Variants in CCDC88B observed in about 807,000 individuals in gnomAD.
CCDC88B encodes the protein coiled-coil domain-containing protein 88B.
A neutral mutation model predicts 183.7 loss-of-function variants in CCDC88B; 138 were observed. That is an observed-to-expected ratio of 0.75 (90% CI 0.65 to 0.87). The LOEUF (loss-of-function observed/expected upper bound fraction) is 0.87. Among genes scored for constraint, CCDC88B ranks in the 40% least tolerant of loss-of-function variants. The pLI is 0.00. For synonymous variants in CCDC88B, 835 were observed against 867.5 expected, an observed-to-expected ratio of 0.96 and a Z score of 0.66; for missense variants, 1,822 against 1,965.6, an observed-to-expected ratio of 0.93 and a Z score of 1.38.
intron 17 of CCDC88B, 57 bp from the exon 18 acceptor site, chr11:64,351,419 T>C (rs1187741631): frequency 6.5e-7 from 1 of 1,548,292 alleles, no homozygotes; most frequent in Non-Finnish European, 8.7e-7. Context: ...GGGCCTGTGG[T>C]AGGCACTAGG....
In CCDC88B at chr11:64,353,117, G is replaced by T. The variant is rs781443346; in HGVS notation, c.3564G>T (p.Glu1188Asp). The change falls in exon 21 of 27, where the codon GAG (glutamate) becomes GAT (aspartate). Residue 1188 changes from glutamate to aspartate, a missense_variant. Transcript: ENST00000356786. Reference sequence around the variant, plus strand: ...GTGAGCTGCAGGGTGAACGCGGGGAGCTACGGGGCCGGCTGGCGCGGCTGG... The same window carrying T: ...GTGAGCTGCAGGGTGAACGCGGGGATCTACGGGGCCGGCTGGCGCGGCTGG... ...ERGELQGERG[E>D]LRGRLARLEL... 6.2e-7 allele frequency: 1 copy of T among 1,606,872 alleles called. No homozygotes were observed. Among genetic ancestry groups the T allele is most frequent in the South Asian group, 1.1e-5 (1 of 90,002 alleles).
In CCDC88B at chr11:64,344,204, CCA is replaced by C; in HGVS notation, c.1666_1667del (p.Gln556GlyfsTer39). On this transcript the variant is annotated frameshift_variant, in exon 14 of 27. Transcript: ENST00000356786. LOFTEE classifies it high-confidence loss of function. This position sits in a 1 kb window ranked among gnomAD's most constrained non-coding sequence, Gnocchi z 4.5. Reference sequence around the variant, plus strand: ...GTGTCCCCAGGCACCTGATTCAGACCCACAGGAGGCAGAGAGTCCCCTTCAGG... The same window carrying C: ...GTGTCCCCAGGCACCTGATTCAGACCCAGGAGGCAGAGAGTCCCCTTCAGG... ...AECPQAPDSD[P>X]QEAESPLQAA... is the part of the protein sequence containing the mutation. The C allele has an allele frequency of 1.2e-6, 2 of 1,611,636 alleles. No individual in the cohort carries two copies. The highest frequency in any genetic ancestry group is 1.7e-6 in the Non-Finnish European group (2 of 1,179,066).
rs2035922759 is a variant in CCDC88B, at chr11:64,342,620, G to A, written c.1002G>A (p.Glu334=). 6.5e-7 allele frequency: 1 copy of A among 1,529,460 alleles called. No homozygotes were observed. Among genetic ancestry groups the A allele is most frequent in the South Asian group, 1.2e-5 (1 of 83,676 alleles). The allele number at this position is 1,529,460 out of a possible 1,614,324, so 94.7% of individuals were successfully genotyped here. The change falls in exon 10 of 27, where the codon GAG becomes GAA. Residue 334 remains glutamate (E), a synonymous_variant. Coordinates refer to ENST00000356786, the MANE Select transcript of CCDC88B (RefSeq NM_032251.6). ...ERAGRLPRLQ[E]ELRRCRERLQ... ...CCGGCCGCCTGCCCCGCCTGCAGGA[G>A]GAGCTGAGGCGCTGCCGCGAGCGGC...
intron 14 of CCDC88B, among the ~76,000 whole-genome samples, chr11:64,348,238 A>G (rs2036192672): frequency 2.3e-5 from 3 of 132,724 alleles, no homozygotes; most frequent in Non-Finnish European, 3.2e-5. Flanking sequence ...AAGGACTGAG[A>G]GGGTGGGGGA....
rs1462066971 is a variant in CCDC88B at position 64,352,305 on chromosome 11, T to C, written c.3275T>C (p.Leu1092Pro). The C allele has an allele frequency of 6.4e-7, 1 of 1,559,970 alleles. No homozygotes were observed. The highest frequency in any genetic ancestry group is 1.9e-5 in the Admixed American group (1 of 51,856). ...AQLQRRQEAE[L>P]EGLLVRHRDL... is the part of the protein sequence containing the mutation. ...CTGCAGCGGCGGCAGGAGGCCGAGC[T>C]AGAGGGACTGCTGGTGCGGCACCGA... Residue 1092 changes from leucine (L) to proline (P), a missense_variant, in exon 19 of 27, where the codon CTA (leucine) becomes CCA (proline). Physicochemically the swap from Leu to Pro is moderately conservative, Grantham distance 98. Transcript: ENST00000356786.
rs751834471 is a variant in CCDC88B, at chr11:64,344,117, G to A, written c.1576G>A (p.Gly526Ser). 24 of 1,613,212 alleles carry A rather than the reference G, an allele frequency of 1.5e-5. No individual in the cohort carries two copies. The highest frequency in any genetic ancestry group is 1.9e-5 in the Non-Finnish European group (22 of 1,179,896). Residue 526 changes from glycine to serine, a missense_variant, in exon 14 of 27, where the codon GGC becomes AGC. Transcript: ENST00000356786. This position sits in a 1 kb window ranked among gnomAD's most constrained non-coding sequence, Gnocchi z 4.5. ...CTTGGTTCAGAAGGCAAGGGATGGA[G>A]GCCCCCAGGCCTTGGACTTGGCTCC... ...QGLVQKARDG[G>S]PQALDLAPPA... is the part of the protein sequence containing the mutation.
At chr11:64,353,548 C>A (rs770955590) in intron 22 of CCDC88B, 52 bp downstream of exon 22, 1 of 1,592,430 alleles carries the variant, frequency 6.3e-7, no homozygotes, top group Non-Finnish European at 8.5e-7. Flanking sequence ...TTTGGGCGTT[C>A]CTGGGGAGAG....
chr11:64,341,726 G>A lies in CCDC88B; in HGVS notation c.659G>A (p.Arg220His). The part of the protein sequence containing the change: ...MGTLSKLARE[R>H]DLGAQRLAEL... ...ACACTGTCGAAGCTGGCACGGGAGC[G>A]TGACCTGGGGGCCCAGGTAGGGGCA... The change falls in exon 7 of 27, where the codon CGT (arginine) becomes CAT (histidine). Residue 220 changes from arginine to histidine, a missense_variant. Transcript: ENST00000356786. 1 of 1,574,790 alleles carries A rather than the reference G, an allele frequency of 6.4e-7. No homozygotes were observed. The highest frequency in any genetic ancestry group is 8.6e-7 in the Non-Finnish European group (1 of 1,164,022).
Position 64,352,378 on chromosome 11 carries a change from G to C in CCDC88B, c.3348G>C (p.Leu1116=). Residue 1116 remains leucine (L), a synonymous_variant, in exon 19 of 27, where the codon CTG becomes CTC. Coordinates refer to ENST00000356786, the MANE Select transcript of CCDC88B (RefSeq NM_032251.6). ...CACTGGAGCTGGCCCACCGGGAGCT[G>C]CAGGGCCGGTGAGCATCACCAAATG... ...MRALELAHRE[L]QGRHEQLQAQ... 6.5e-7 allele frequency: 1 copy of C among 1,534,798 alleles called. No individual in the cohort carries two copies. The highest frequency in any genetic ancestry group is 8.8e-7 in the Non-Finnish European group (1 of 1,141,160).
Position 64,353,055 on chromosome 11 carries a change from G to T in CCDC88B, c.3502G>T (p.Ala1168Ser), listed in dbSNP as rs763329356. The T allele has an allele frequency of 6.3e-7, 1 of 1,596,804 alleles. No individual in the cohort carries two copies. Residue 1168 changes from alanine to serine, a missense_variant and splice_region_variant, in exon 21 of 27, where the codon GCT becomes TCT. Transcript: ENST00000356786. ...GAGCAGCTCTCCTTGCCTCCCAAGG[G>T]CTCAGATGCTGCTGGCAGAGTTGTC... ...LRRLQSEHDR[A>S]QMLLAELSRE... is the part of the protein sequence containing the mutation.
At position 64,357,169 on chromosome 11, in the gene CCDC88B, A is replaced by G; in HGVS notation, c.*75A>G. 6.4e-7 allele frequency: 1 copy of G among 1,569,510 alleles called. No individual in the cohort carries two copies. Among genetic ancestry groups the G allele is most frequent in the Non-Finnish European group, 8.8e-7 (1 of 1,139,516 alleles). Reference sequence around the variant, plus strand: ...GTCAGCGGAGGCCCCAGGCAGCCCAAGAGCTCAGGGAGCCAGGGACCCCAA... The same window carrying G: ...GTCAGCGGAGGCCCCAGGCAGCCCAGGAGCTCAGGGAGCCAGGGACCCCAA... On this transcript the variant is annotated 3_prime_UTR_variant, in exon 27 of 27. Transcript: ENST00000356786.
At position 64,353,189 on chromosome 11, in the gene CCDC88B, G is replaced by A. The variant is rs751494477; in HGVS notation, c.3636G>A (p.Glu1212=). 16 of 1,578,708 alleles carry A rather than the reference G, an allele frequency of 1.0e-5. No homozygotes were observed. In the African/African-American group the frequency reaches 1.7e-4, roughly 17 times the overall value. The change falls in exon 21 of 27, where the codon GAG becomes GAA. Residue 1212 remains glutamate (E), a synonymous_variant. Coordinates refer to ENST00000356786, the MANE Select transcript of CCDC88B (RefSeq NM_032251.6). Reference sequence around the variant, plus strand: ...AGATGCAGAGCCAGCAGCTGCGCGAGTCCAACCAGCAGCTGGACCTGAGCG... The same window carrying A: ...AGATGCAGAGCCAGCAGCTGCGCGAATCCAACCAGCAGCTGGACCTGAGCG... ...QLEMQSQQLR[E]SNQQLDLSAC... is the part of the protein sequence containing the mutation.
intron 19 of CCDC88B, 120 bp downstream of exon 19, chr11:64,352,506 G>A (rs1042973991): frequency 9.3e-6 from 13 of 1,394,978 alleles, no homozygotes; most frequent in Middle Eastern, 2.6e-4. Flanking sequence ...GTGATGCCCC[G>A]GCCACTGCTG....
rs139000172 is a variant in CCDC88B at position 64,341,676 on chromosome 11, G to A, written c.609G>A (p.Glu203=). 3.0e-4 allele frequency: 487 copies of A among 1,608,528 alleles called. 4 individuals carry two copies. The East Asian group carries it at 4.6e-3, about 15-fold the overall frequency. Residue 203 remains glutamate (E), a synonymous_variant, in exon 7 of 27, where the codon GAG becomes GAA. Transcript: ENST00000356786. ...GGGAGCTGGCACCTGCCGAGCTGGA[G>A]ATGCTGTCCCGGAGCCTGATGGGGA... ...DPGELAPAEL[E]MLSRSLMGTL...
intron 24 of CCDC88B, among the ~76,000 whole-genome samples, chr11:64,354,691 G>A (rs1203854929): frequency 2.1e-4 from 3 of 14,330 alleles, no homozygotes; most frequent in Admixed American, 9.8e-4. Flanking sequence ...ATGAGCCTCC[G>A]CCCCCCCCCT....
Position 64,341,064 on chromosome 11 carries a change from C to A in CCDC88B, c.319-45C>A, listed in dbSNP as rs576359145. The A allele has an allele frequency of 3.1e-6, 5 of 1,613,710 alleles. No homozygotes were observed. In the African/African-American group the frequency reaches 4.0e-5, roughly 13 times the overall value. ...GGCGGAGACAGGAGGGGAAGAGGAG[C>A]CCCTTCGGGAAGGCGCCTCATATAG... is the stretch of plus-strand genomic sequence containing the variant. On this transcript the variant is annotated intron_variant, in intron 3 of 26. Coordinates refer to ENST00000356786, the MANE Select transcript of CCDC88B (RefSeq NM_032251.6).
chr11:64,342,717 C>A, intron 10 of CCDC88B, 37 bp downstream of exon 10: 2 of 1,434,834 alleles, frequency 1.4e-6, no homozygotes, highest in Non-Finnish European at 1.8e-6. Context: ...GGGGCGTGCG[C>A]GAGGGGGCGG....
intron 14 of CCDC88B, among the ~76,000 whole-genome samples, chr11:64,347,915 T>G (rs762243952): frequency 5.3e-5 from 8 of 151,992 alleles, no homozygotes; most frequent in Non-Finnish European, 1.2e-4. Context: ...TCGGGTGTGG[T>G]GGCACGCACC....
In CCDC88B at chr11:64,343,160, C is replaced by A; in HGVS notation, c.1063-19C>A. 6.6e-7 allele frequency: 1 copy of A among 1,515,204 alleles called. No homozygotes were observed. Among genetic ancestry groups the A allele is most frequent in the Non-Finnish European group, 8.9e-7 (1 of 1,129,162 alleles). 93.9% of individuals were successfully genotyped at this position (1,515,204 alleles called of 1,614,324 possible). On this transcript the variant is annotated intron_variant, in intron 10 of 26. Transcript: ENST00000356786. Reference sequence around the variant, plus strand: ...CATGGGGGCTGCGTGGCTACCGGTTCTCCCTGCTCTCCCACCAGGAGGAGC... The same window carrying A: ...CATGGGGGCTGCGTGGCTACCGGTTATCCCTGCTCTCCCACCAGGAGGAGC...
Sources: allele counts gnomAD v4.1 joint callset (sites outside exome capture counted in the v4.1 genomes callset), GRCh38; gene constraint gnomAD v4.1.1; non-coding constraint Gnocchi (gnomAD v3.1); transcripts MANE v1.5; gene names NCBI Gene and HGNC (gene_info 2026-07-23, HGNC 2026-07-21).